FXYD7: variants seen among roughly 807,000 people sequenced by gnomAD.
FXYD7 encodes the protein FXYD domain containing ion transport regulator 7.
FXYD7 carries 7 observed loss-of-function variants against 15.3 expected under a neutral mutation model. The observed-to-expected ratio is 0.46, with a 90% confidence interval of 0.26 to 0.86. The LOEUF (loss-of-function observed/expected upper bound fraction) is 0.86. FXYD7 is among the 40% of genes least tolerant of loss of function. The pLI, the probability that FXYD7 is intolerant of heterozygous loss-of-function variation, is 0.16. For synonymous variants in FXYD7, 39 were observed against 39.3 expected (o/e 0.99, Z 0.03); for missense variants, 78 against 100.6 (o/e 0.78, Z 0.96).
chr19:35,151,615 T>C lies in FXYD7; in HGVS notation c.180-18T>C. The C allele has an allele frequency of 6.2e-7, 1 of 1,611,570 alleles. No homozygotes were observed. The highest frequency in any genetic ancestry group is 1.1e-5 in the South Asian group (1 of 91,016). ...TTGAACCTCTTTCTACTTTTCTCTC[T>C]CATCTCTGCCTCCACAGCCCAACCT... is the stretch of plus-strand genomic sequence containing the variant. On this transcript the variant is annotated intron_variant, in intron 4 of 5. Coordinates refer to ENST00000270310, the MANE Select transcript of FXYD7 (RefSeq NM_022006.2).
At chr19:35,151,390 A>G (rs1285799874) in intron 3 of FXYD7, 50 bp from the exon 4 acceptor site, 5 of 1,608,310 alleles carry the variant, frequency 3.1e-6, no homozygotes, top group Non-Finnish European at 4.3e-6. Flanking sequence ...TTTCATCCAT[A>G]TCCTACCCGC....
In FXYD7 at chr19:35,148,056, A is replaced by T. The variant is rs188851241; in HGVS notation, c.32-638A>T. ...GAAAGAAAGAAAGAAAGAAAGAAAGAAAGAAAGAAAGAAAGAAAGAAAGAA... is the reference window on the plus strand; with the variant it reads ...GAAAGAAAGAAAGAAAGAAAGAAAGTAAGAAAGAAAGAAAGAAAGAAAGAA... On this transcript the variant is annotated intron_variant, in intron 1 of 5. Transcript: ENST00000270310. 2.8e-3 allele frequency among the ~76,000 whole-genome samples: 398 copies of T among 143,276 alleles called. 9 individuals carry two copies. Among genetic ancestry groups the T allele is most frequent in the Admixed American group, 0.023 (334 of 14,300 alleles). The allele number at this position is 143,276 out of a possible 152,430, so 94.0% of individuals were successfully genotyped here. A position where few individuals can be genotyped will look rare whatever the true frequency, so the allele number is the denominator to read the frequency against.
At chr19:35,145,216 A>G (rs1280349020) in intron 1 of FXYD7, among the ~76,000 whole-genome samples, 3 of 152,174 alleles carry the variant, frequency 2.0e-5, no homozygotes, top group Non-Finnish European at 4.4e-5. Context: ...TTCACCTCCC[A>G]AGATGCCCCA....
rs1049299702 is a variant in FXYD7, at chr19:35,150,942, C to T, written c.62-312C>T. Among the ~76,000 whole-genome samples the T allele has an allele frequency of 1.1e-4, 16 of 151,700 alleles. No individual in the cohort carries two copies. The East Asian group carries it at 1.7e-3, about 16-fold the overall frequency. ...AAGGCTGCTGCAGAGGCCAGATGGGCGACAATGGTGGACAGAACCAGGGCC... is the reference window on the plus strand; with the variant it reads ...AAGGCTGCTGCAGAGGCCAGATGGGTGACAATGGTGGACAGAACCAGGGCC... On this transcript the variant is annotated intron_variant, in intron 2 of 5. Transcript: ENST00000270310.
At position 35,152,940 on chromosome 19, in the gene FXYD7, TAAAAAAA is replaced by T. The variant is rs534802680; in HGVS notation, c.221-934_221-928del. Among the ~76,000 whole-genome samples the T allele has an allele frequency of 5.7e-5, 6 of 105,924 alleles. No homozygotes were observed. In the South Asian group the frequency reaches 1.9e-3, roughly 34 times the overall value. The allele number at this position is 105,924 out of a possible 152,430, so 69.5% of individuals were successfully genotyped here. ...GTGTCTCTTATAAAGTTCTTATAACTAAAAAAAAAAAAAAAAAAAAAAAAAATGCGGG... is the reference window on the plus strand; with the variant it reads ...GTGTCTCTTATAAAGTTCTTATAACTAAAAAAAAAAAAAAAAAAATGCGGG... On this transcript the variant is annotated intron_variant, in intron 5 of 5. Coordinates refer to ENST00000270310, the MANE Select transcript of FXYD7 (RefSeq NM_022006.2).
chr19:35,150,624 A>T (rs2065306366), intron 2 of FXYD7, among the ~76,000 whole-genome samples: 1 of 152,160 alleles, frequency 6.6e-6, no homozygotes, highest in African/African-American at 2.4e-5. Context: ...AGGAACAGCC[A>T]GTGCAAAGGC....
At chr19:35,148,893 C>A (rs749270839) in intron 2 of FXYD7, 170 bp downstream of exon 2, 1 of 752,470 alleles carries the variant, frequency 1.3e-6, no homozygotes, top group Non-Finnish European at 2.4e-6. Context: ...AGGGCAGAAC[C>A]AGATGGGGGA....
At chr19:35,145,522 A>C (rs1341799118) in intron 1 of FXYD7, among the ~76,000 whole-genome samples, 1 of 152,224 alleles carries the variant, frequency 6.6e-6, no homozygotes, top group Non-Finnish European at 1.5e-5. Context: ...CCTGCAGCCT[A>C]GGACTGCCTC....
rs1042465393 is a variant in FXYD7, at chr19:35,151,319, A to G, written c.127A>G (p.Ile43Val). 5 of 1,607,210 alleles carry G rather than the reference A, an allele frequency of 3.1e-6. No homozygotes were observed. The highest frequency in any genetic ancestry group is 2.7e-5 in the African/African-American group (2 of 74,690). ...ATILFLLGIL[I>V]VISKKVKCRK... ...CATCTTGTTCCTGCTGGGTATCCTCATCGTCATCAGTAAGTGCGACCCATT... is the reference window on the plus strand; with the variant it reads ...CATCTTGTTCCTGCTGGGTATCCTCGTCGTCATCAGTAAGTGCGACCCATT... Residue 43 changes from isoleucine to valine, a missense_variant, in exon 3 of 6, where the codon ATC becomes GTC. Ile to Val is a conservative substitution (Grantham distance 29). Coordinates refer to ENST00000270310, the MANE Select transcript of FXYD7 (RefSeq NM_022006.2).
At chr19:35,153,219 C>T (rs1424768407) in intron 5 of FXYD7, among the ~76,000 whole-genome samples, 2 of 151,440 alleles carry the variant, frequency 1.3e-5, no homozygotes. Context: ...ACCACCACAC[C>T]CGGCTAATTT....
intron 1 of FXYD7, among the ~76,000 whole-genome samples, chr19:35,147,048 G>A (rs1468384531): frequency 6.6e-6 from 1 of 152,202 alleles, no homozygotes; most frequent in Non-Finnish European, 1.5e-5. Flanking sequence ...CCAGGTTCAC[G>A]TATACGTCCA....
intron 1 of FXYD7, among the ~76,000 whole-genome samples, chr19:35,148,016 GAAGAAAGAAGGAAAGAAAGA>G (rs2065294571): frequency 1.0e-5 from 1 of 96,106 alleles, no homozygotes; most frequent in Non-Finnish European, 2.0e-5. Context: ...AGGAAAGAAA[GAAGAAAGAAGGAAAGAAAGA>G]AAGAAAGAAA....
intron 5 of FXYD7, 74 bp downstream of exon 5, chr19:35,151,747 C>A: frequency 2.8e-6 from 2 of 726,756 alleles, no homozygotes; most frequent in South Asian, 1.4e-5. Flanking sequence ...GAAGGGAAGT[C>A]GCGGGGATGG....
At chr19:35,146,661 A>C (rs995669036) in intron 1 of FXYD7, among the ~76,000 whole-genome samples, 3 of 152,226 alleles carry the variant, frequency 2.0e-5, no homozygotes, top group Admixed American at 6.5e-5. Context: ...TGCTGGTTAC[A>C]TCAATAAATA....
chr19:35,147,666 A>G (rs914947724), intron 1 of FXYD7, among the ~76,000 whole-genome samples: 5 of 152,126 alleles, frequency 3.3e-5, no homozygotes, highest in African/African-American at 7.2e-5. Context: ...TACAAACTCA[A>G]TTTTGAATCT....
At chr19:35,144,337 C>G (rs944737557) in intron 1 of FXYD7, among the ~76,000 whole-genome samples, 5 of 152,188 alleles carry the variant, frequency 3.3e-5, no homozygotes, top group African/African-American at 9.7e-5. Context: ...CAGCCACACA[C>G]TGATTTCCAT....
chr19:35,146,636 G>T (rs2065289810), intron 1 of FXYD7, among the ~76,000 whole-genome samples: 1 of 152,214 alleles, frequency 6.6e-6, no homozygotes, highest in Admixed American at 6.5e-5. Context: ...CTGGAATGGA[G>T]TCAGGGCTAC....
In FXYD7 at chr19:35,151,667, T is replaced by C. The variant is rs766842900; in HGVS notation, c.214T>C (p.Ser72Pro). The change falls in exon 5 of 6, where the codon TCT becomes CCT. Residue 72 changes from serine (S) to proline (P), a missense_variant. By Grantham distance (74) the Ser-to-Pro change is moderately conservative (BLOSUM62 -1). Coordinates refer to ENST00000270310, the MANE Select transcript of FXYD7 (RefSeq NM_022006.2). ...TCKSCKSELPSSAPGGGGV is the reference protein window; with the variant it reads ...TCKSCKSELPPSAPGGGGV ...CAAATCCTGTAAGTCTGAGCTTCCC[T>C]CTTCAGGTGAGGGTGAGAAACTGTG... 3.7e-6 allele frequency: 6 copies of C among 1,612,166 alleles called. No homozygotes were observed. In the African/African-American group the frequency reaches 8.0e-5, roughly 22 times the overall value.
Position 35,154,201 on chromosome 19 carries a change from GC to G in FXYD7, c.*291del, listed in dbSNP as rs944542571. 45 of 532,270 alleles carry G rather than the reference GC, an allele frequency of 8.5e-5. No individual in the cohort carries two copies. Among genetic ancestry groups the G allele is most frequent in the Non-Finnish European group, 1.4e-4 (41 of 300,732 alleles). 33.0% of individuals were successfully genotyped at this position (532,270 alleles called of 1,614,324 possible). ...AGCACCCCCAGCATCCCCGTGTATG[GC>G]CCCCCTGCACCTCCTTGTCTCATCC... On this transcript the variant is annotated 3_prime_UTR_variant, in exon 6 of 6. Transcript: ENST00000270310.
Sources: gnomAD v4.1 joint callset for allele counts (sites outside exome capture counted in the v4.1 genomes callset) on GRCh38, gnomAD v4.1.1 for gene constraint, MANE v1.5 for transcripts, NCBI Gene and HGNC (gene_info 2026-07-23, HGNC 2026-07-21) for gene names.